Variants in CDC14A observed in about 807,000 individuals in gnomAD.
The protein encoded by CDC14A is cell division cycle 14A, also known as dual specificity protein phosphatase CDC14A.
Under a neutral mutation model 74.4 loss-of-function variants are expected in CDC14A, and 53 were observed. The ratio of observed to expected loss-of-function variants is 0.71; its 90% CI spans 0.57 to 0.89. The LOEUF (loss-of-function observed/expected upper bound fraction) is 0.89. Among genes scored for constraint, CDC14A ranks in the 40% least tolerant of loss-of-function variants. The pLI, the probability that CDC14A is intolerant of heterozygous loss-of-function variation, is 0.00. For missense variants in CDC14A, 646 were observed against 713.7 expected (o/e 0.91, Z 1.08); for synonymous variants, 247 against 258.4 (o/e 0.96, Z 0.43).
At chr1:100,396,591 C>G (rs1310829309) in intron 4 of CDC14A, among the ~76,000 whole-genome samples, 1 of 152,160 alleles carries the variant, frequency 6.6e-6, no homozygotes, top group East Asian at 1.9e-4. Context: ...AAGTAAAGAG[C>G]ATAGACCAAG....
At chr1:100,486,474 T>C (rs539298318) in intron 11 of CDC14A, among the ~76,000 whole-genome samples, 2 of 152,314 alleles carry the variant, frequency 1.3e-5, no homozygotes, top group East Asian at 3.9e-4. Context: ...AGGCAGCTTA[T>C]AAACAACAGA....
intron 15 of CDC14A, among the ~76,000 whole-genome samples, chr1:100,518,023 T>G (rs1387501678): frequency 6.6e-6 from 1 of 152,220 alleles, no homozygotes; most frequent in African/African-American, 2.4e-5. Context: ...ATAAATAAAT[T>G]AGTAAACCTT....
upstream of CDC14A, among the ~76,000 whole-genome samples, chr1:100,349,476 A>C (rs1650722520): frequency 6.6e-6 from 1 of 152,232 alleles, no homozygotes; most frequent in Admixed American, 6.5e-5. Context: ...CTTTGACCTC[A>C]GGATAACTGA....
intron 3 of CDC14A, among the ~76,000 whole-genome samples, chr1:100,382,272 A>G (rs1444574374): frequency 7.3e-6 from 1 of 136,962 alleles, no homozygotes; most frequent in Non-Finnish European, 1.5e-5. Flanking sequence ...CTGGAGTGCC[A>G]TGGTGCAGTC....
chr1:100,470,465 A>C (rs569947463), intron 10 of CDC14A, among the ~76,000 whole-genome samples: 4 of 152,068 alleles, frequency 2.6e-5, no homozygotes, highest in African/African-American at 4.8e-5. Context: ...AGAAAAAAAA[A>C]CTTAGAACTA....
At position 100,504,778 on chromosome 1, in the gene CDC14A, T is replaced by C. The variant is rs768190691; in HGVS notation, c.1755+5516T>C. ...TAGTATTGTATCTTTGCACCAGCAT[T>C]TACCTTGCTTATTCTCTTGTTTTCT... On this transcript the variant is annotated intron_variant, in intron 15 of 15. Coordinates refer to ENST00000336454, the MANE Select transcript of CDC14A (RefSeq NM_003672.4). 2.0e-6 allele frequency: 3 copies of C among 1,473,922 alleles called. No homozygotes were observed. The South Asian group carries it at 3.6e-5, about 18-fold the overall frequency. 91.3% of individuals were successfully genotyped at this position (1,473,922 alleles called of 1,614,324 possible). A position where few individuals can be genotyped will look rare whatever the true frequency, so the allele number is the denominator to read the frequency against.
chr1:100,499,241 AT>A lies in CDC14A; in HGVS notation c.1736del (p.Phe579SerfsTer2), dbSNP rs781670121. 1 of 1,614,098 alleles carries A rather than the reference AT, an allele frequency of 6.2e-7. No individual in the cohort carries two copies. The highest frequency in any genetic ancestry group is 1.1e-5 in the South Asian group (1 of 91,068). On this transcript the variant is annotated frameshift_variant, in exon 15 of 16. Transcript: ENST00000336454. LOFTEE classifies it high-confidence loss of function. ...YTGLSSSSAR[F>X]LSRSIPSLQS... ...CCGGGCTTTCTTCTTCTTCAGCGAG[AT>A]TCCTGAGCCGTTCTATCCCTGTAAG...
chr1:100,405,086 G>C (rs1406724939), intron 4 of CDC14A, among the ~76,000 whole-genome samples: 1 of 152,154 alleles, frequency 6.6e-6, no homozygotes, highest in African/African-American at 2.4e-5. Flanking sequence ...TAGTGGGCCT[G>C]CTTTGGGAAA....
intron 4 of CDC14A, among the ~76,000 whole-genome samples, chr1:100,409,608 A>G (rs1257979565): frequency 6.6e-6 from 1 of 152,368 alleles, no homozygotes; most frequent in East Asian, 1.9e-4. Flanking sequence ...CAAAGGGGCT[A>G]CAGGCCCCAT....
chr1:100,493,260 C>T (rs1180994650), intron 11 of CDC14A, among the ~76,000 whole-genome samples: 1 of 152,140 alleles, frequency 6.6e-6, no homozygotes, highest in Admixed American at 6.5e-5. Context: ...TCTGTCAGGT[C>T]CTCCTAGAAG....
chr1:100,499,263 G>C lies in CDC14A; in HGVS notation c.1755+1G>C. ...GAGATTCCTGAGCCGTTCTATCCCT[G>C]TAAGTGCGCAGACACCACCTCCTGG... is the stretch of plus-strand genomic sequence containing the variant. On this transcript the variant is annotated splice_donor_variant, in intron 15 of 15. Coordinates refer to ENST00000336454, the MANE Select transcript of CDC14A (RefSeq NM_003672.4). LOFTEE classifies it high-confidence loss of function. The C allele has an allele frequency of 6.2e-7, 1 of 1,614,178 alleles. No individual in the cohort carries two copies. The highest frequency in any genetic ancestry group is 2.2e-5 in the East Asian group (1 of 44,884).
At chr1:100,435,823 TAAAAA>T (rs10545372) in intron 5 of CDC14A, among the ~76,000 whole-genome samples, 1 of 97,952 alleles carries the variant, frequency 1.0e-5, no homozygotes, top group Admixed American at 1.1e-4. Flanking sequence ...AGACTTCGTC[TAAAAA>T]AAAAAAAAAA....
chr1:100,465,395 C>T lies in CDC14A; in HGVS notation c.838+2514C>T, dbSNP rs755454025. 6.6e-5 allele frequency among the ~76,000 whole-genome samples: 10 copies of T among 152,152 alleles called. No individual in the cohort carries two copies. In the South Asian group the frequency reaches 1.7e-3, roughly 25 times the overall value. Reference sequence around the variant, plus strand: ...TCATTTTCTTCCACTTGCACACACACGTAGGATTCTTTTATAAGGATTACA... The same window carrying T: ...TCATTTTCTTCCACTTGCACACACATGTAGGATTCTTTTATAAGGATTACA... On this transcript the variant is annotated intron_variant, in intron 9 of 15. Coordinates refer to ENST00000336454, the MANE Select transcript of CDC14A (RefSeq NM_003672.4).
intron 14 of CDC14A, 122 bp from the exon 15 acceptor site, chr1:100,498,807 T>C: frequency 1.5e-6 from 2 of 1,341,328 alleles, no homozygotes; most frequent in Non-Finnish European, 2.0e-6. Flanking sequence ...TCATTCACAT[T>C]GATCAGATTC....
chr1:100,484,908 C>A, intron 11 of CDC14A: 2 of 977,510 alleles, frequency 2.0e-6, no homozygotes, highest in Non-Finnish European at 2.4e-6. Context: ...TGTAAACAAA[C>A]CACGGTAAAT....
At chr1:100,481,231 A>G (rs1337798866) in intron 10 of CDC14A, 3 of 152,318 alleles carry the variant, frequency 2.0e-5, no homozygotes, top group African/African-American at 7.2e-5. Context: ...AGAGTGGGTT[A>G]TGTTTCTATT....
intron 2 of CDC14A, among the ~76,000 whole-genome samples, chr1:100,355,682 G>A (rs1421268543): frequency 6.6e-6 from 1 of 152,124 alleles, no homozygotes; most frequent in Admixed American, 6.5e-5. Flanking sequence ...TTACCCTACT[G>A]TGCCACAGTA....
At chr1:100,444,500 C>A (rs571424405) in intron 7 of CDC14A, among the ~76,000 whole-genome samples, 1 of 152,312 alleles carries the variant, frequency 6.6e-6, no homozygotes, top group Non-Finnish European at 1.5e-5. Flanking sequence ...CTCCAGCCTA[C>A]CCTTCTAGCC....
intron 3 of CDC14A, 29 bp from the exon 4 acceptor site, chr1:100,390,703 C>A: frequency 1.4e-6 from 2 of 1,402,516 alleles, no homozygotes; most frequent in Non-Finnish European, 2.0e-6. Flanking sequence ...TCTATGGTTA[C>A]ACTAACTCTT....
Sources: allele counts gnomAD v4.1 joint callset (sites outside exome capture counted in the v4.1 genomes callset), GRCh38; gene constraint gnomAD v4.1.1; transcripts MANE v1.5; gene names NCBI Gene and HGNC (gene_info 2026-07-23, HGNC 2026-07-21).